Variants in THSD4 observed in about 807,000 individuals in gnomAD.
The protein encoded by THSD4 is thrombospondin type 1 domain containing 4.
A neutral mutation model predicts 119.0 loss-of-function variants in THSD4; 69 were observed. The observed-to-expected ratio is 0.58, with a 90% CI of 0.48 to 0.71. THSD4 has a LOEUF of 0.71. THSD4 is among the 30% of genes least tolerant of loss of function. The probability of loss-of-function intolerance (pLI) is 0.00; values close to 1 mark genes in which losing one functional copy is unlikely to be tolerated. For synonymous variants in THSD4, 524 were observed against 540.4 expected, an observed-to-expected ratio of 0.97 and a Z score of 0.42; for missense variants, 1,393 against 1,391.1, an observed-to-expected ratio of 1.00 and a Z score of -0.02.
chr15:71,719,171 G>A (rs1271636326), intron 8 of THSD4, among the ~76,000 whole-genome samples: 3 of 152,136 alleles, frequency 2.0e-5, no homozygotes, highest in African/African-American at 4.8e-5. Flanking sequence ...CTATAATTTA[G>A]CAATGAAATA....
intron 7 of THSD4, among the ~76,000 whole-genome samples, chr15:71,578,821 TG>T (rs35893734): frequency 0.56 from 84,238 of 149,550 alleles, 27,531 homozygotes; most frequent in Non-Finnish European, 0.74. Flanking sequence ...TAATTTGACT[TG>T]GGGGACTCTG....
intron 6 of THSD4, among the ~76,000 whole-genome samples, chr15:71,372,186 T>A (rs934406298): frequency 2.0e-5 from 3 of 152,208 alleles, no homozygotes; most frequent in African/African-American, 4.8e-5. Context: ...TTGTCTAATC[T>A]TTTTTCAAGG....
chr15:71,484,023 C>G (rs961199851), intron 7 of THSD4, among the ~76,000 whole-genome samples: 58 of 152,226 alleles, frequency 3.8e-4, no homozygotes, highest in African/African-American at 1.4e-3. Flanking sequence ...AGAAAATACT[C>G]TATAAAGAGG....
At chr15:71,363,803 G>A (rs2045923721) in intron 6 of THSD4, among the ~76,000 whole-genome samples, 1 of 152,136 alleles carries the variant, frequency 6.6e-6, no homozygotes, top group South Asian at 2.1e-4. Flanking sequence ...AAATTCATTT[G>A]CATTACTATC....
At chr15:71,713,610 C>T (rs1489530297) in intron 8 of THSD4, among the ~76,000 whole-genome samples, 1 of 152,116 alleles carries the variant, frequency 6.6e-6, no homozygotes, top group Non-Finnish European at 1.5e-5. Flanking sequence ...GCCATGACAA[C>T]CAGGGTATCA....
intron 6 of THSD4, among the ~76,000 whole-genome samples, chr15:71,369,888 C>G (rs887596609): frequency 6.6e-6 from 1 of 152,056 alleles, no homozygotes; most frequent in Non-Finnish European, 1.5e-5. Context: ...TGGTAGAATT[C>G]GGCTGTGAAT....
intron 3 of THSD4, among the ~76,000 whole-genome samples, chr15:71,159,217 G>C (rs1009893359): frequency 8.5e-5 from 13 of 152,144 alleles, no homozygotes; most frequent in Admixed American, 1.3e-4. Flanking sequence ...GGTTACTATA[G>C]ATGTGTAGTA....
At chr15:71,173,567 C>CATATAT (rs57882308) in intron 3 of THSD4, among the ~76,000 whole-genome samples, 146 of 145,958 alleles carry the variant, frequency 1.0e-3, no homozygotes, top group African/African-American at 3.4e-3. Context: ...CACACACACA[C>CATATAT]ATATATATAT....
At chr15:71,118,847 G>C (rs757596126) in intron 1 of THSD4, among the ~76,000 whole-genome samples, 10 of 152,228 alleles carry the variant, frequency 6.6e-5, no homozygotes, top group Admixed American at 3.3e-4. Context: ...CTGGCTTTAG[G>C]CTGCTTTGCT....
rs1303615361 is a variant in THSD4, at chr15:71,115,505, G to A, written c.-273G>A. 6.6e-6 allele frequency: 1 copy of A among 151,848 alleles called. No individual in the cohort carries two copies. Among genetic ancestry groups the A allele is most frequent in the Non-Finnish European group, 1.5e-5 (1 of 67,936 alleles). The allele number at this position is 151,848 out of a possible 1,614,324, so 9.4% of individuals were successfully genotyped here. ...GAGCCAGAGCTCTCCGCGCGCGCCT[G>A]AACCGCTGGCCGCCCGCGCAGCCCG... On this transcript the variant is annotated 5_prime_UTR_variant, in exon 1 of 18. Transcript: ENST00000261862. The surrounding 1 kb of genome is among the most constrained non-coding windows in gnomAD (Gnocchi z 4.4).
At chr15:71,302,871 AC>A (rs990193216) in intron 6 of THSD4, among the ~76,000 whole-genome samples, 8 of 150,380 alleles carry the variant, frequency 5.3e-5, no homozygotes, top group African/African-American at 2.0e-4. Flanking sequence ...TAGCCCTACA[AC>A]CCCCTGCCAC....
chr15:71,530,803 C>T (rs1198878110), intron 7 of THSD4, among the ~76,000 whole-genome samples: 5 of 134,212 alleles, frequency 3.7e-5, no homozygotes, highest in Admixed American at 8.5e-5. Flanking sequence ...ACCAAGCCCC[C>T]GAAAAAAAAA....
chr15:71,578,446 T>C (rs1567045464), intron 7 of THSD4, among the ~76,000 whole-genome samples: 1 of 152,180 alleles, frequency 6.6e-6, no homozygotes, highest in Non-Finnish European at 1.5e-5. Flanking sequence ...ATTTTTTTAA[T>C]GGTTAAATTA....
chr15:71,429,661 A>T (rs1366505361), intron 7 of THSD4, among the ~76,000 whole-genome samples: 1 of 152,226 alleles, frequency 6.6e-6, no homozygotes, highest in Non-Finnish European at 1.5e-5. Context: ...TCTTTAGCAC[A>T]TCAAAGTGCC....
intron 8 of THSD4, among the ~76,000 whole-genome samples, chr15:71,694,195 T>G (rs910800425): frequency 6.6e-6 from 1 of 152,202 alleles, no homozygotes; most frequent in Non-Finnish European, 1.5e-5. Context: ...TGGATTTCCA[T>G]CTATGTTCTG....
rs1195412718 is a variant in THSD4 at position 71,780,771 on chromosome 15, C to T, written c.*3397C>T. On this transcript the variant is annotated 3_prime_UTR_variant, in exon 18 of 18. Transcript: ENST00000261862. ...TCTTGGAGGGTTTTTTCTTTATTTTCTTATGTACTCATCTACTTATTCTCA... is the reference window on the plus strand; with the variant it reads ...TCTTGGAGGGTTTTTTCTTTATTTTTTTATGTACTCATCTACTTATTCTCA... 1 of 455,166 alleles carries T rather than the reference C, an allele frequency of 2.2e-6. No homozygotes were observed. The highest frequency in any genetic ancestry group is 6.9e-5 in the East Asian group (1 of 14,406). 28.2% of individuals were successfully genotyped at this position (455,166 alleles called of 1,614,324 possible).
chr15:71,586,281 C>G (rs545704380), intron 7 of THSD4, among the ~76,000 whole-genome samples: 1 of 152,148 alleles, frequency 6.6e-6, no homozygotes, highest in Non-Finnish European at 1.5e-5. Context: ...TGTCACACCC[C>G]TCAATATAAA....
chr15:71,204,594 G>T (rs919627229), intron 3 of THSD4, among the ~76,000 whole-genome samples: 3 of 152,044 alleles, frequency 2.0e-5, no homozygotes, highest in Admixed American at 2.0e-4. Context: ...GGAAACTGAG[G>T]TCCCGAGCCA....
At chr15:71,648,437 A>G (rs1399439693) in intron 7 of THSD4, among the ~76,000 whole-genome samples, 1 of 152,208 alleles carries the variant, frequency 6.6e-6, no homozygotes, top group African/African-American at 2.4e-5. Flanking sequence ...TCTAAAATGA[A>G]AATAATCCCT....
Sources: allele counts gnomAD v4.1 joint callset (sites outside exome capture counted in the v4.1 genomes callset), GRCh38; gene constraint gnomAD v4.1.1; non-coding constraint Gnocchi (gnomAD v3.1); transcripts MANE v1.5; gene names NCBI Gene and HGNC (gene_info 2026-07-23, HGNC 2026-07-21).